The following NALCN variants were observed in gnomAD, a reference collection of about 807,000 sequenced individuals.
NALCN encodes the protein sodium leak channel NALCN.
NALCN carries 111 observed loss-of-function variants against 225.3 expected under a neutral mutation model. That is an observed-to-expected ratio of 0.49 (90% CI 0.42 to 0.58). The LOEUF (loss-of-function observed/expected upper bound fraction) is 0.58. Among genes scored for constraint, NALCN ranks in the 20% least tolerant of loss-of-function variants. The pLI, the probability that NALCN is intolerant of heterozygous loss-of-function variation, is 0.00. For missense variants in NALCN, 1,378 were observed against 2,202.4 expected, an observed-to-expected ratio of 0.63 and a Z score of 7.49; for synonymous variants, 764 against 769.0, an observed-to-expected ratio of 0.99 and a Z score of 0.11.
chr13:101,293,488 C>T (rs9557605), intron 7 of NALCN, among the ~76,000 whole-genome samples: 9,742 of 152,204 alleles, frequency 0.064, 489 homozygotes, highest in East Asian at 0.25. Flanking sequence ...ATTTGTACCT[C>T]AATAAATTCT....
At chr13:101,375,687 G>A (rs1594758569) in intron 6 of NALCN, among the ~76,000 whole-genome samples, 1 of 151,906 alleles carries the variant, frequency 6.6e-6, no homozygotes, top group Non-Finnish European at 1.5e-5. Context: ...TTTTTCAATC[G>A]GTAATTTATG....
intron 22 of NALCN, among the ~76,000 whole-genome samples, 190 bp from the exon 23 acceptor site, chr13:101,105,140 G>T (rs1179628662): frequency 6.6e-6 from 1 of 152,084 alleles, no homozygotes; most frequent in South Asian, 2.1e-4. Flanking sequence ...AAAATCCAAA[G>T]AATTTGCAGT....
Position 101,058,036 on chromosome 13 carries a change from G to C in NALCN, c.4926C>G (p.Leu1642=). The stretch of plus-strand genomic sequence containing the variant: ...CTCGATCCGACAGCGTGGGGCTCAG[G>C]AGCTGCTGCTGGCTGCTTGTCTGCA... ...MQPETSSQQQ[L]LSPTLSDRGG... Residue 1642 remains leucine (L), a synonymous_variant, in exon 43 of 44, where the codon CTC becomes CTG. Transcript: ENST00000251127. 2 of 1,613,168 alleles carry C rather than the reference G, an allele frequency of 1.2e-6. No homozygotes were observed. Among genetic ancestry groups the C allele is most frequent in the Non-Finnish European group, 1.7e-6 (2 of 1,179,974 alleles).
intron 6 of NALCN, among the ~76,000 whole-genome samples, chr13:101,351,334 A>G (rs2045903099): frequency 6.6e-6 from 1 of 152,138 alleles, no homozygotes; most frequent in African/African-American, 2.4e-5. Flanking sequence ...GGAGCAGCTA[A>G]TTGTTTTTTT....
intron 4 of NALCN, among the ~76,000 whole-genome samples, chr13:101,377,941 C>G (rs1192741737): frequency 6.6e-6 from 1 of 151,986 alleles, no homozygotes; most frequent in African/African-American, 2.4e-5. Flanking sequence ...TCAAATCTGT[C>G]CTGTAAGTCT....
intron 7 of NALCN, among the ~76,000 whole-genome samples, chr13:101,331,553 G>A (rs977276753): frequency 6.6e-6 from 1 of 152,106 alleles, no homozygotes. Flanking sequence ...GATCAAGAGT[G>A]TAACCCAGGG....
intron 15 of NALCN, among the ~76,000 whole-genome samples, chr13:101,160,636 C>T (rs926313092): frequency 1.3e-5 from 2 of 152,084 alleles, no homozygotes; most frequent in African/African-American, 4.8e-5. Context: ...AAATGTCTGC[C>T]TGTTCTGTTT....
chr13:101,412,105 T>C (rs1247520335), intron 1 of NALCN, among the ~76,000 whole-genome samples: 1 of 152,254 alleles, frequency 6.6e-6, no homozygotes, highest in African/African-American at 2.4e-5. Context: ...AGGCTATATG[T>C]AGATGTTGGC....
chr13:101,281,964 C>T (rs2043182392), intron 10 of NALCN, among the ~76,000 whole-genome samples: 1 of 152,096 alleles, frequency 6.6e-6, no homozygotes, highest in Admixed American at 6.5e-5. Context: ...GAGATATCAC[C>T]TCATATCTGT....
At chr13:101,310,759 T>C (rs2044313898) in intron 7 of NALCN, among the ~76,000 whole-genome samples, 2 of 152,116 alleles carry the variant, frequency 1.3e-5, no homozygotes, top group Admixed American at 1.3e-4. Flanking sequence ...TTTTTGAATA[T>C]TGAATGGATA....
At chr13:101,096,430 G>A (rs754593928) in intron 27 of NALCN, among the ~76,000 whole-genome samples, 2 of 152,158 alleles carry the variant, frequency 1.3e-5, no homozygotes, top group Non-Finnish European at 2.9e-5. Context: ...CAACATGGAG[G>A]ATCCTTGAAA....
rs1260066889 is a variant in NALCN, at chr13:101,111,295, C to T, written c.2193-69G>A. 6.9e-5 allele frequency: 89 copies of T among 1,292,136 alleles called. 1 individual carries two copies. The South Asian group carries it at 7.4e-4, about 11-fold the overall frequency. 80.0% of individuals were successfully genotyped at this position (1,292,136 alleles called of 1,614,324 possible). ...ACTTGAGATGAATAACACATAAGTG[C>T]TCATTACTTTTATTATTTTAAAGGC... On this transcript the variant is annotated intron_variant, in intron 18 of 43. Transcript: ENST00000251127.
chr13:101,269,140 T>TA lies in NALCN; in HGVS notation c.1135-10567dup, dbSNP rs527650962. ...CTTGGCTGGACATGGGTAAGAAAAA[T>TA]AAAAAATATTAGTTATTCCGCAACA... On this transcript the variant is annotated intron_variant, in intron 10 of 43. Transcript: ENST00000251127. Among the ~76,000 whole-genome samples the TA allele has an allele frequency of 6.9e-3, 1,041 of 151,500 alleles. 17 individuals carry two copies. The highest frequency in any genetic ancestry group is 0.024 in the African/African-American group (979 of 41,290).
chr13:101,377,143 G>GT, intron 4 of NALCN, 87 bp from the exon 5 acceptor site: 1 of 1,518,810 alleles, frequency 6.6e-7, no homozygotes. Context: ...AGCAGCATAA[G>GT]TAGGTGCACC....
Position 101,058,033 on chromosome 13 carries a change from C to T in NALCN, c.4929G>A (p.Leu1643=), listed in dbSNP as rs555678362. The T allele has an allele frequency of 1.9e-6, 3 of 1,613,298 alleles. No homozygotes were observed. In the South Asian group the frequency reaches 3.3e-5, roughly 18 times the overall value. The change falls in exon 43 of 44, where the codon CTG becomes CTA. Residue 1643 remains leucine, a synonymous_variant. Transcript: ENST00000251127. The part of the protein sequence containing the change: ...QPETSSQQQL[L]SPTLSDRGGS... ...CTCCTCGATCCGACAGCGTGGGGCT[C>T]AGGAGCTGCTGCTGGCTGCTTGTCT...
rs188588540 is a variant in NALCN at position 101,256,284 on chromosome 13, T to C, written c.1266+2159A>G. ...CCGTCCTTTAACCATATAGAGACCA[T>C]TGATCCTTCACCTTCACTCCTCCAT... On this transcript the variant is annotated intron_variant, in intron 11 of 43. Transcript: ENST00000251127. Among the ~76,000 whole-genome samples the C allele has an allele frequency of 6.2e-4, 95 of 152,304 alleles. 1 individual carries two copies. Among genetic ancestry groups the C allele is most frequent in the Non-Finnish European group, 1.1e-3 (75 of 68,014 alleles).
intron 11 of NALCN, among the ~76,000 whole-genome samples, chr13:101,252,192 ATTTAC>A (rs1407467917): frequency 6.6e-6 from 1 of 152,118 alleles, no homozygotes; most frequent in Non-Finnish European, 1.5e-5. Context: ...GCCATATCTT[ATTTAC>A]TTTATTTACC....
intron 10 of NALCN, among the ~76,000 whole-genome samples, chr13:101,262,805 T>C (rs567585512): frequency 6.6e-6 from 1 of 152,302 alleles, no homozygotes; most frequent in Non-Finnish European, 1.5e-5. Context: ...CACCACTTAC[T>C]GGCACTGTGG....
At chr13:101,328,344 T>C (rs1385269221) in intron 7 of NALCN, among the ~76,000 whole-genome samples, 1 of 152,166 alleles carries the variant, frequency 6.6e-6, no homozygotes, top group Admixed American at 6.5e-5. Context: ...CAGTATCTCG[T>C]TCTACAGCCC....
Sources: gnomAD v4.1 joint callset for allele counts (sites outside exome capture counted in the v4.1 genomes callset) on GRCh38, gnomAD v4.1.1 for gene constraint, MANE v1.5 for transcripts, NCBI Gene and HGNC (gene_info 2026-07-23, HGNC 2026-07-21) for gene names.